The following GPR89B variants were observed in gnomAD, a reference collection of about 807,000 sequenced individuals.
GPR89B encodes G protein-coupled receptor 89B.
In GPR89B, 25 loss-of-function variants were observed where a neutral mutation model predicts 52.4. The ratio of observed to expected loss-of-function variants is 0.48; its 90% CI spans 0.35 to 0.67. The LOEUF (loss-of-function observed/expected upper bound fraction) is 0.67. Among genes scored for constraint, GPR89B ranks in the 30% least tolerant of loss-of-function variants. The pLI is 0.01. For synonymous variants in GPR89B, 52 were observed against 151.2 expected, an observed-to-expected ratio of 0.34 and a Z score of 4.81; for missense variants, 146 against 450.2, an observed-to-expected ratio of 0.32 and a Z score of 6.11.
chr1:147,953,049 G>C (rs1328516702), intron 5 of GPR89B, among the ~76,000 whole-genome samples: 2 of 142,110 alleles, frequency 1.4e-5, no homozygotes, highest in Admixed American at 1.4e-4. Flanking sequence ...TGCTTTGTTA[G>C]CATTCATGCT....
At chr1:148,020,114 C>A in the GPR89B span, among the ~76,000 whole-genome samples, 1 of 147,472 alleles carries the variant, frequency 6.8e-6, no homozygotes, top group East Asian at 2.0e-4. Flanking sequence ...TTGGGAGGAA[C>A]CAAGCAACAG....
At chr1:147,968,645 C>CTG in intron 8 of GPR89B, 1 of 612,534 alleles carries the variant, frequency 1.6e-6, no homozygotes, top group Non-Finnish European at 2.9e-6. Context: ...TTAAGAGAAA[C>CTG]TGAGTGGTAA....
At chr1:147,957,552 T>C (rs1164368855) in intron 7 of GPR89B, among the ~76,000 whole-genome samples, 3 of 152,044 alleles carry the variant, frequency 2.0e-5, no homozygotes, top group African/African-American at 7.3e-5. Context: ...CCAGACACTG[T>C]ACTAGATGCT....
chr1:147,943,605 A>G lies in GPR89B; in HGVS notation c.313+61A>G. 3.2e-6 allele frequency: 5 copies of G among 1,573,732 alleles called. No homozygotes were observed. In the South Asian group the frequency reaches 5.9e-5, roughly 19 times the overall value. On this transcript the variant is annotated intron_variant, in intron 4 of 13. Transcript: ENST00000314163. ...GAGATGAGTATTTGAGGGGACTTAA[A>G]TTGTGGATAGCTTCATTTCTACATT...
chr1:147,971,464 C>CTTTTTTTTT (rs1196935183), intron 10 of GPR89B, among the ~76,000 whole-genome samples: 21 of 70,260 alleles, frequency 3.0e-4, no homozygotes, highest in African/African-American at 3.7e-4. Flanking sequence ...GGAAGCATGT[C>CTTTTTTTTT]TTTTTTTTTT....
In GPR89B at chr1:147,938,714, A is replaced by G; in HGVS notation, c.103A>G (p.Ile35Val). The G allele has an allele frequency of 6.4e-7, 1 of 1,564,358 alleles. No individual in the cohort carries two copies. The highest frequency in any genetic ancestry group is 8.7e-7 in the Non-Finnish European group (1 of 1,151,400). Residue 35 changes from isoleucine (I) to valine (V), a missense_variant and splice_region_variant, in exon 3 of 14, where the codon ATA becomes GTA. Transcript: ENST00000314163. ...FMRQLFKDYE[I>V]RQYVVQVIFS... ...CTAGTCTCTGTTTGGCTTTTAACAG[A>G]TACGTCAGTATGTTGTACAGGTGAT...
Position 147,936,610 on chromosome 1 carries a change from T to C in GPR89B, c.43-17T>C. On this transcript the variant is annotated splice_polypyrimidine_tract_variant and intron_variant, in intron 1 of 13. Coordinates refer to ENST00000314163, the MANE Select transcript of GPR89B (RefSeq NM_016334.5). ...AAAGAAAATATGTATTGACATTCTA[T>C]CTTCTTTCTCCTCCAGATACTATTT... The C allele has an allele frequency of 1.9e-6, 3 of 1,608,032 alleles. No homozygotes were observed. Among genetic ancestry groups the C allele is most frequent in the Non-Finnish European group, 2.6e-6 (3 of 1,175,186 alleles).
chr1:147,946,671 T>A (rs1184159496), intron 5 of GPR89B, among the ~76,000 whole-genome samples: 1 of 152,136 alleles, frequency 6.6e-6, no homozygotes, highest in Non-Finnish European at 1.5e-5. Context: ...TTTCTCCAGC[T>A]TTCTCCTGTG....
At chr1:148,024,827 A>T in the GPR89B span, 8 of 152,140 alleles carry the variant, frequency 5.3e-5, no homozygotes, top group South Asian at 2.1e-4. Context: ...TGGAAAACTC[A>T]AGCAAGGTTT....
chr1:148,000,381 G>C, the GPR89B span, among the ~76,000 whole-genome samples: 17 of 150,916 alleles, frequency 1.1e-4, no homozygotes, highest in Non-Finnish European at 2.2e-4. Context: ...GATTGTTCAA[G>C]TAGCTAAAAA....
intron 10 of GPR89B, among the ~76,000 whole-genome samples, chr1:147,971,562 C>T (rs1454178656): frequency 8.0e-5 from 12 of 150,772 alleles, no homozygotes; most frequent in South Asian, 4.2e-4. Context: ...GCAACCCCTC[C>T]GCCTTCCAGA....
Position 147,978,554 on chromosome 1 carries a change from C to T in GPR89B, c.910-7645C>T, listed in dbSNP as rs1214376840. Among the ~76,000 whole-genome samples, 31 of 151,724 alleles carry T rather than the reference C, an allele frequency of 2.0e-4. 1 individual carries two copies. Among genetic ancestry groups the T allele is most frequent in the Non-Finnish European group, 3.4e-4 (23 of 67,958 alleles). Reference sequence around the variant, plus strand: ...ATCCCCCTCCTCTGGACTGCCCAGACCCTTCAGAGCCAGCAGGCAGGAAAG... The same window carrying T: ...ATCCCCCTCCTCTGGACTGCCCAGATCCTTCAGAGCCAGCAGGCAGGAAAG... On this transcript the variant is annotated intron_variant, in intron 10 of 13. Coordinates refer to ENST00000314163, the MANE Select transcript of GPR89B (RefSeq NM_016334.5).
At position 147,969,737 on chromosome 1, in the gene GPR89B, A is replaced by G. The variant is rs1657282434; in HGVS notation, c.817-130A>G. The G allele has an allele frequency of 3.0e-6, 4 of 1,342,152 alleles. No homozygotes were observed. The African/African-American group carries it at 6.1e-5, about 21-fold the overall frequency. 83.1% of individuals were successfully genotyped at this position (1,342,152 alleles called of 1,614,324 possible). ...AATGCTGGCCACAACTACTGTTATTAGTTTAATATTATTGCAATGTATGGT... is the reference window on the plus strand; with the variant it reads ...AATGCTGGCCACAACTACTGTTATTGGTTTAATATTATTGCAATGTATGGT... On this transcript the variant is annotated intron_variant, in intron 9 of 13. Coordinates refer to ENST00000314163, the MANE Select transcript of GPR89B (RefSeq NM_016334.5).
intron 1 of GPR89B, chr1:147,929,059 C>G: frequency 3.3e-6 from 3 of 916,786 alleles, no homozygotes; most frequent in Non-Finnish European, 3.9e-6. Context: ...AAATTTGCTG[C>G]TTCAAAGTAT....
intron 1 of GPR89B, among the ~76,000 whole-genome samples, chr1:147,929,735 A>C (rs1653376980): frequency 6.6e-6 from 1 of 152,208 alleles, no homozygotes; most frequent in Non-Finnish European, 1.5e-5. Flanking sequence ...TACAATATTT[A>C]AGAAAATAAG....
At chr1:147,945,941 GTC>G (rs1553249723) in intron 5 of GPR89B, among the ~76,000 whole-genome samples, 1 of 151,980 alleles carries the variant, frequency 6.6e-6, no homozygotes, top group Admixed American at 6.6e-5. Flanking sequence ...GCTCAGGATG[GTC>G]TCGAACTCCT....
chr1:147,928,627 A>C, intron 1 of GPR89B, 49 bp downstream of exon 1: 1 of 1,611,926 alleles, frequency 6.2e-7, no homozygotes. Flanking sequence ...CCTTCACCGA[A>C]TCGCCCTCTC....
the GPR89B span, among the ~76,000 whole-genome samples, chr1:148,006,689 C>T: frequency 6.6e-6 from 1 of 151,100 alleles, no homozygotes; most frequent in Non-Finnish European, 1.5e-5. Context: ...AAATCGAGAA[C>T]TTTTCACTTA....
At chr1:148,004,183 G>A in the GPR89B span, among the ~76,000 whole-genome samples, 6,411 of 146,552 alleles carry the variant, frequency 0.044, 140 homozygotes, top group African/African-American at 0.072. Flanking sequence ...TTGAGATGGA[G>A]TGTCACTCTT....
Sources: gnomAD v4.1 joint callset for allele counts (sites outside exome capture counted in the v4.1 genomes callset) on GRCh38, gnomAD v4.1.1 for gene constraint, MANE v1.5 for transcripts, NCBI Gene and HGNC (gene_info 2026-07-23, HGNC 2026-07-21) for gene names.